DNAH1: variants seen among roughly 807,000 people sequenced by gnomAD.
DNAH1 encodes axonemal beta dynein heavy chain 1.
A neutral mutation model predicts 484.3 loss-of-function variants in DNAH1; 327 were observed. The ratio of observed to expected loss-of-function variants is 0.68; its 90% confidence interval spans 0.62 to 0.74. The LOEUF (loss-of-function observed/expected upper bound fraction) is 0.74, where lower values mean the gene tolerates loss of function less well. Among genes scored for constraint, DNAH1 ranks in the 30% least tolerant of loss-of-function variants. DNAH1 has a pLI of 0.00. For missense variants in DNAH1, 5,052 were observed against 5,546.8 expected (o/e 0.91, Z 2.83); for synonymous variants, 2,192 against 2,191.9 (o/e 1.00, Z 0.00).
Position 52,357,066 on chromosome 3 carries a change from C to T in DNAH1, c.3858+288C>T, listed in dbSNP as rs1308135776. Among the ~76,000 whole-genome samples the T allele has an allele frequency of 6.9e-5, 9 of 130,252 alleles. No individual in the cohort carries two copies. The Admixed American group carries it at 7.8e-4, about 11-fold the overall frequency. 85.5% of individuals were successfully genotyped at this position (130,252 alleles called of 152,430 possible). On this transcript the variant is annotated intron_variant, in intron 22 of 77. Transcript: ENST00000420323. ...TTTTTTTTTTTGAAACAGAGTTTTG[C>T]TCTTGTTGCCCAGGCTGGAGTGCCA...
At position 52,349,293 on chromosome 3, in the gene DNAH1, G is replaced by T. The variant is rs757406752; in HGVS notation, c.2399G>T (p.Ser800Ile). Residue 800 changes from serine (S) to isoleucine (I), a missense_variant, in exon 14 of 78, where the codon AGC (serine) becomes ATC (isoleucine). Transcript: ENST00000420323. ...ATCCTGGACAGCTCGCTGCCCAGCA[G>T]CATCATCATTGGGCCTTTCTACATC... ...KEILDSSLPS[S>I]IIIGPFYINT... is the part of the protein sequence containing the mutation. The T allele has an allele frequency of 5.0e-6, 8 of 1,614,024 alleles. No homozygotes were observed. The Admixed American group carries it at 5.0e-5, about 10-fold the overall frequency.
In DNAH1 at chr3:52,379,821, G is replaced by T; in HGVS notation, c.7378-84G>T. On this transcript the variant is annotated intron_variant, in intron 47 of 77. Coordinates refer to ENST00000420323, the MANE Select transcript of DNAH1 (RefSeq NM_015512.5). This position sits in a 1 kb window ranked among gnomAD's most constrained non-coding sequence, Gnocchi z 4.4. Reference sequence around the variant, plus strand: ...TCCAGTCAGGGCCCCAGGAACTGGGGCCCACCCTCCCTTGCCTGGTGGTTT... The same window carrying T: ...TCCAGTCAGGGCCCCAGGAACTGGGTCCCACCCTCCCTTGCCTGGTGGTTT... 7.9e-7 allele frequency: 1 copy of T among 1,266,386 alleles called. No homozygotes were observed. The allele number at this position is 1,266,386 out of a possible 1,614,324, so 78.4% of individuals were successfully genotyped here.
intron 73 of DNAH1, 81 bp from the exon 74 acceptor site, chr3:52,397,626 G>C: frequency 7.7e-7 from 1 of 1,304,990 alleles, no homozygotes; most frequent in Non-Finnish European, 1.1e-6. Context: ...TGACAAGTGG[G>C]GATGTGCTCC....
In DNAH1 at chr3:52,372,260, A is replaced by T; in HGVS notation, c.6700A>T (p.Thr2234Ser). The stretch of plus-strand genomic sequence containing the variant: ...CATTGGGCCAACAGGCACGGGGAAG[A>T]CGCTCACCATCTCTGACAAGCTCCT... ...LCIGPTGTGK[T>S]LTISDKLLKN... The change falls in exon 43 of 78, where the codon ACG (threonine) becomes TCG (serine). Residue 2234 changes from threonine to serine, a missense_variant. Coordinates refer to ENST00000420323, the MANE Select transcript of DNAH1 (RefSeq NM_015512.5). 4.3e-6 allele frequency: 7 copies of T among 1,613,922 alleles called. No individual in the cohort carries two copies. The highest frequency in any genetic ancestry group is 5.9e-6 in the Non-Finnish European group (7 of 1,179,852).
intron 16 of DNAH1, 149 bp from the exon 17 acceptor site, chr3:52,351,813 C>T: frequency 1.1e-6 from 1 of 949,754 alleles, no homozygotes; most frequent in Non-Finnish European, 1.6e-6. Flanking sequence ...AGCTGTCTGG[C>T]CCCAGGTAGC....
intron 55 of DNAH1, 137 bp downstream of exon 55, chr3:52,386,482 G>T (rs1578189527): frequency 1.5e-6 from 2 of 1,345,666 alleles, no homozygotes; most frequent in East Asian, 5.1e-5. Flanking sequence ...AGGAGCATGG[G>T]CACCTGGGTT....
intron 9 of DNAH1, among the ~76,000 whole-genome samples, chr3:52,345,193 G>A (rs1256117158): frequency 6.6e-6 from 1 of 152,198 alleles, no homozygotes; most frequent in African/African-American, 2.4e-5. Context: ...CCTTAAGCTT[G>A]TGTGCAGCAC....
rs766323732 is a variant in DNAH1, at chr3:52,363,004, C to T, written c.5104C>T (p.Arg1702Ter). Residue 1702 changes from arginine (R) to a stop codon, truncating the protein, a stop_gained, in exon 32 of 78, where the codon CGA (arginine) becomes TGA (stop). Transcript: ENST00000420323. LOFTEE classifies it high-confidence loss of function. ...ELPDNLKALF[R>*]PVAMMVPDYA... ...GCACTGTGTGTCCCAGGCGCTCTTC[C>T]GACCCGTGGCCATGATGGTTCCAGA... 8.1e-6 allele frequency: 13 copies of T among 1,613,904 alleles called. No individual in the cohort carries two copies. In the East Asian group the frequency reaches 2.0e-4, roughly 25 times the overall value.
At chr3:52,354,189 C>A (rs1702513112) in intron 20 of DNAH1, among the ~76,000 whole-genome samples, 1 of 151,894 alleles carries the variant, frequency 6.6e-6, no homozygotes, top group South Asian at 2.1e-4. Context: ...AACAAACAAA[C>A]AAAAAAACAG....
At position 52,361,593 on chromosome 3, in the gene DNAH1, C is replaced by T; in HGVS notation, c.4875-68C>T. ...CTCCCAAGTGGAGTTGGAGGGGGCC[C>T]TCAGAGGGAGGTGCCCAGATTGGGC... On this transcript the variant is annotated intron_variant, in intron 29 of 77. Transcript: ENST00000420323. This position sits in a 1 kb window ranked among gnomAD's most constrained non-coding sequence, Gnocchi z 5.6. 1 of 1,500,070 alleles carries T rather than the reference C, an allele frequency of 6.7e-7. No homozygotes were observed. The highest frequency in any genetic ancestry group is 9.1e-7 in the Non-Finnish European group (1 of 1,104,738). 92.9% of individuals were successfully genotyped at this position (1,500,070 alleles called of 1,614,324 possible).
chr3:52,319,686 C>T (rs1177557146), intron 1 of DNAH1, among the ~76,000 whole-genome samples: 1 of 152,222 alleles, frequency 6.6e-6, no homozygotes, highest in Non-Finnish European at 1.5e-5. Flanking sequence ...TGCTGTCACC[C>T]ATGAGGCCGC....
intron 50 of DNAH1, 123 bp from the exon 51 acceptor site, chr3:52,383,263 G>A: frequency 1.2e-6 from 1 of 865,666 alleles, no homozygotes; most frequent in Non-Finnish European, 1.8e-6. Flanking sequence ...TTGTGACTCT[G>A]GGCTTCTCTG....
At chr3:52,332,093 C>T (rs1381986407) in intron 7 of DNAH1, 49 bp from the exon 8 acceptor site, 1 of 1,528,684 alleles carries the variant, frequency 6.5e-7, no homozygotes, top group Non-Finnish European at 8.8e-7. Context: ...GTGTTTCAGC[C>T]CAGAAAGCCT....
intron 5 of DNAH1, among the ~76,000 whole-genome samples, chr3:52,327,600 C>T (rs562847046): frequency 1.8e-4 from 27 of 152,272 alleles, no homozygotes; most frequent in Non-Finnish European, 3.5e-4. Context: ...CCCTGGACAC[C>T]CCTCTGCCTG....
chr3:52,366,261 C>A (rs1050235634), intron 34 of DNAH1, among the ~76,000 whole-genome samples, 196 bp from the exon 35 acceptor site: 2 of 152,222 alleles, frequency 1.3e-5, no homozygotes, highest in African/African-American at 4.8e-5. Context: ...TACAGAGTTT[C>A]TACTCTGCCA....
Position 52,392,032 on chromosome 3 carries a change from T to C in DNAH1, c.10052+429T>C, listed in dbSNP as rs541549886. On this transcript the variant is annotated intron_variant, in intron 63 of 77. Transcript: ENST00000420323. Reference sequence around the variant, plus strand: ...GCCACGAGCCTGGGCACTGTGGTTTTCGCTGGCCATCCATACACAGCCCAC... The same window carrying C: ...GCCACGAGCCTGGGCACTGTGGTTTCCGCTGGCCATCCATACACAGCCCAC... 5.9e-5 allele frequency among the ~76,000 whole-genome samples: 9 copies of C among 152,348 alleles called. No homozygotes were observed. In the East Asian group the frequency reaches 1.7e-3, roughly 29 times the overall value.
intron 41 of DNAH1, 96 bp from the exon 42 acceptor site, chr3:52,371,850 C>T (rs1279393787): frequency 6.5e-7 from 1 of 1,534,570 alleles, no homozygotes; most frequent in African/African-American, 1.4e-5. Context: ...CCCAGCCGTG[C>T]AGCTCCTGGC....
At chr3:52,311,337 G>A (rs1454569963), upstream of DNAH1, among the ~76,000 whole-genome samples, 1 of 152,226 alleles carries the variant, frequency 6.6e-6, no homozygotes, top group Non-Finnish European at 1.5e-5. Context: ...AGTTTCCTCA[G>A]TTGCACAAAG....
At chr3:52,374,726 G>A (rs569932644) in intron 44 of DNAH1, 3 of 1,282,646 alleles carry the variant, frequency 2.3e-6, no homozygotes, top group Admixed American at 3.4e-5. Flanking sequence ...TACATGGCTT[G>A]ATATACAACG....
Sources: allele counts gnomAD v4.1 joint callset (sites outside exome capture counted in the v4.1 genomes callset), GRCh38; gene constraint gnomAD v4.1.1; non-coding constraint Gnocchi (gnomAD v3.1); transcripts MANE v1.5; gene names NCBI Gene and HGNC (gene_info 2026-07-23, HGNC 2026-07-21).